OR7A5: variants seen among roughly 807,000 people sequenced by gnomAD.
The protein encoded by OR7A5 is olfactory receptor 7A5.
For missense variants in OR7A5, 319 were observed against 377.9 expected (o/e 0.84, Z 1.29); for synonymous variants, 140 against 146.7 (o/e 0.95, Z 0.33).
intron 1 of OR7A5, among the ~76,000 whole-genome samples, chr19:14,834,657 A>T (rs1326478519): frequency 6.7e-6 from 1 of 149,122 alleles, no homozygotes; most frequent in Non-Finnish European, 1.5e-5. Flanking sequence ...TCTCACGGGC[A>T]TAGAATCAAA....
Position 14,827,816 on chromosome 19 carries a change from T to G in OR7A5, c.426A>C (p.Gly142=), listed in dbSNP as rs750743834. Residue 142 remains glycine, a synonymous_variant, in exon 2 of 2, where the codon GGA becomes GGC. Transcript: ENST00000322301. ...TGGTCCAGGATGCTAGAACCAGCAG[T>G]CCACAGAGGTGAGGGTTCATAATGA... The part of the protein sequence containing the change: ...YMVIMNPHLC[G]LLVLASWTMS... The G allele has an allele frequency of 1.2e-6, 2 of 1,614,108 alleles. No homozygotes were observed. The highest frequency in any genetic ancestry group is 2.2e-5 in the South Asian group (2 of 91,080).
chr19:14,827,160 T>G lies in OR7A5; in HGVS notation c.*122A>C. 2 of 1,038,462 alleles carry G rather than the reference T, an allele frequency of 1.9e-6. No homozygotes were observed. Among genetic ancestry groups the G allele is most frequent in the Non-Finnish European group, 2.6e-6 (2 of 763,454 alleles). The allele number at this position is 1,038,462 out of a possible 1,614,324, so 64.3% of individuals were successfully genotyped here. On this transcript the variant is annotated 3_prime_UTR_variant, in exon 2 of 2. Transcript: ENST00000322301. ...GTTGCTTAAATTCTACAAGACCAGT[T>G]GAAATCACAACAAATTGAAACTCCC...
intron 1 of OR7A5, among the ~76,000 whole-genome samples, chr19:14,831,081 T>C (rs1287057658): frequency 1.3e-5 from 2 of 152,220 alleles, no homozygotes; most frequent in Admixed American, 6.5e-5. Context: ...CTTTCTCTAA[T>C]TAAATTTGCC....
chr19:14,828,195 C>A lies in OR7A5; in HGVS notation c.47G>T (p.Gly16Val). The change falls in exon 2 of 2, where the codon GGA (glycine) becomes GTA (valine). Residue 16 changes from glycine (G) to valine (V), a missense_variant. Transcript: ENST00000322301. ...TTGCAGTCCAGGTTCTTGTGAAAAT[C>A]CCAGAAGAAGAAATTCTGAAATTTG... ...DTQISEFLLL[G>V]FSQEPGLQPF... is the part of the protein sequence containing the mutation. 1 of 1,613,190 alleles carries A rather than the reference C, an allele frequency of 6.2e-7. No homozygotes were observed. Among genetic ancestry groups the A allele is most frequent in the Non-Finnish European group, 8.5e-7 (1 of 1,179,416 alleles).
At position 14,826,999 on chromosome 19, in the gene OR7A5, A is replaced by C; in HGVS notation, c.*283T>G. The C allele has an allele frequency of 3.8e-6, 1 of 260,976 alleles. No individual in the cohort carries two copies. The allele number at this position is 260,976 out of a possible 1,614,324, so 16.2% of individuals were successfully genotyped here. On this transcript the variant is annotated 3_prime_UTR_variant, in exon 2 of 2. Transcript: ENST00000322301. ...TAGTCTATGCCACAGGAGACATACA[A>C]CTCTTCCCTGTATGAGACAAATGGA...
chr19:14,833,567 T>A (rs1256366481), intron 1 of OR7A5, among the ~76,000 whole-genome samples: 1 of 152,182 alleles, frequency 6.6e-6, no homozygotes, highest in Non-Finnish European at 1.5e-5. Flanking sequence ...ACTAAGGCAA[T>A]AATTGCAGAA....
At chr19:14,831,227 A>T (rs922197968) in intron 1 of OR7A5, among the ~76,000 whole-genome samples, 7 of 152,242 alleles carry the variant, frequency 4.6e-5, no homozygotes, top group African/African-American at 1.7e-4. Flanking sequence ...TAATAGAAAA[A>T]TGGAGCAAAG....
rs552125671 is a variant in OR7A5, at chr19:14,833,262, T to C, written c.-14+1812A>G. Among the ~76,000 whole-genome samples, 15 of 152,354 alleles carry C rather than the reference T, an allele frequency of 9.8e-5. 1 individual carries two copies. In the South Asian group the frequency reaches 3.1e-3, roughly 32 times the overall value. ...GGAAGGTCCAGGTGGGTGGATCACT[T>C]GAGGTCGGGAGTTCAAGACCAGCCT... is the stretch of plus-strand genomic sequence containing the variant. On this transcript the variant is annotated intron_variant, in intron 1 of 1. Coordinates refer to ENST00000322301, the MANE Select transcript of OR7A5 (RefSeq NM_017506.2).
At position 14,827,683 on chromosome 19, in the gene OR7A5, G is replaced by C; in HGVS notation, c.559C>G (p.Leu187Val). ...FFCELNQVIQLACSDSFLNHM... is the reference protein window; with the variant it reads ...FFCELNQVIQVACSDSFLNHM... ...TTAAGAAAGCTATCAGAACAAGCAAGTTGGATGACCTGATTAAGTTCACAG... is the reference window on the plus strand; with the variant it reads ...TTAAGAAAGCTATCAGAACAAGCAACTTGGATGACCTGATTAAGTTCACAG... The change falls in exon 2 of 2, where the codon CTT becomes GTT. Residue 187 changes from leucine (L) to valine (V), a missense_variant. Transcript: ENST00000322301. 6.2e-7 allele frequency: 1 copy of C among 1,614,178 alleles called. No individual in the cohort carries two copies.
In OR7A5 at chr19:14,829,391, C is replaced by G. The variant is rs369402446; in HGVS notation, c.-13-1137G>C. The stretch of plus-strand genomic sequence containing the variant: ...GCTAATTTTGTATTTTTAGTAGAGA[C>G]GGGGTTTCTCCATGTTGGTCAGGCT... On this transcript the variant is annotated intron_variant, in intron 1 of 1. Coordinates refer to ENST00000322301, the MANE Select transcript of OR7A5 (RefSeq NM_017506.2). Among the ~76,000 whole-genome samples the G allele has an allele frequency of 3.5e-3, 532 of 152,190 alleles. 3 individuals carry two copies. The highest frequency in any genetic ancestry group is 0.012 in the African/African-American group (511 of 41,522).
At chr19:14,831,973 A>G (rs759771000) in intron 1 of OR7A5, among the ~76,000 whole-genome samples, 4 of 152,116 alleles carry the variant, frequency 2.6e-5, no homozygotes, top group African/African-American at 4.8e-5. Context: ...CAGTGGTGCA[A>G]TCATAGCTCA....
intron 1 of OR7A5, 171 bp from the exon 2 acceptor site, chr19:14,828,425 C>T (rs1786846375): frequency 4.4e-6 from 3 of 684,078 alleles, no homozygotes; most frequent in Admixed American, 6.1e-5. Flanking sequence ...CTCCTTCCCA[C>T]TCTCAGCCTT....
intron 1 of OR7A5, among the ~76,000 whole-genome samples, chr19:14,834,364 C>T (rs2044864048): frequency 1.3e-5 from 2 of 152,280 alleles, no homozygotes; most frequent in East Asian, 3.9e-4. Flanking sequence ...AATCTCAGCA[C>T]TATTGATATT....
intron 1 of OR7A5, among the ~76,000 whole-genome samples, chr19:14,834,387 ACT>A (rs2044864368): frequency 1.3e-5 from 2 of 152,138 alleles, no homozygotes; most frequent in African/African-American, 4.8e-5. Flanking sequence ...GGGCTAGATC[ACT>A]CTCTTTGATA....
At chr19:14,833,494 A>G (rs374521134) in intron 1 of OR7A5, among the ~76,000 whole-genome samples, 1 of 152,206 alleles carries the variant, frequency 6.6e-6, no homozygotes, top group South Asian at 2.1e-4. Context: ...AAAAGTAAAC[A>G]ATGCCTTTTC....
chr19:14,827,339 C>CA lies in OR7A5; in HGVS notation c.902dup (p.Ile303AsnfsTer23). On this transcript the variant is annotated frameshift_variant, in exon 2 of 2. Coordinates refer to ENST00000322301, the MANE Select transcript of OR7A5 (RefSeq NM_017506.2). LOFTEE classifies it low-confidence loss of function (END_TRUNC). ...TTGTTCCCCACAACAAATGTATTCC[C>CA]AGAGCCCTCTTTATGTCTTTATTCC... is the stretch of plus-strand genomic sequence containing the variant. 6.3e-7 allele frequency: 1 copy of CA among 1,592,712 alleles called. No homozygotes were observed. Among genetic ancestry groups the CA allele is most frequent in the Non-Finnish European group, 8.5e-7 (1 of 1,172,252 alleles).
At chr19:14,829,257 G>A (rs565841783) in intron 1 of OR7A5, among the ~76,000 whole-genome samples, 88 of 152,320 alleles carry the variant, frequency 5.8e-4, no homozygotes, top group Middle Eastern at 3.4e-3. Context: ...GGGCTGGAGC[G>A]CAGTGGCGCA....
chr19:14,828,700 C>T (rs922879956), intron 1 of OR7A5, among the ~76,000 whole-genome samples: 16 of 128,560 alleles, frequency 1.2e-4, no homozygotes, highest in Admixed American at 8.1e-4. Flanking sequence ...GCAGAAGTTG[C>T]AGTGAGCTGA....
At chr19:14,834,370 A>G (rs1157072930) in intron 1 of OR7A5, among the ~76,000 whole-genome samples, 1 of 152,124 alleles carries the variant, frequency 6.6e-6, no homozygotes, top group Non-Finnish European at 1.5e-5. Flanking sequence ...AGCACTATTG[A>G]TATTCTGGGC....
Sources: gnomAD v4.1 joint callset for allele counts (sites outside exome capture counted in the v4.1 genomes callset) on GRCh38, gnomAD v4.1.1 for gene constraint, MANE v1.5 for transcripts, NCBI Gene and HGNC (gene_info 2026-07-23, HGNC 2026-07-21) for gene names.